Variants in CCDC38 observed in about 807,000 individuals in gnomAD.
The protein encoded by CCDC38 is coiled-coil domain-containing protein 38.
A neutral mutation model predicts 72.8 loss-of-function variants in CCDC38; 69 were observed. The observed-to-expected ratio is 0.95, with a 90% CI of 0.78 to 1.16. The LOEUF is 1.16. CCDC38 is among the 50% of genes most tolerant of loss of function. The pLI is 0.00. For synonymous variants in CCDC38, 201 were observed against 213.2 expected (o/e 0.94, Z 0.50); for missense variants, 626 against 638.9 (o/e 0.98, Z 0.22).
chr12:95,870,440 T>G lies in CCDC38; in HGVS notation c.1485-867A>C, dbSNP rs138029377. 3.3e-5 allele frequency among the ~76,000 whole-genome samples: 5 copies of G among 152,334 alleles called. No individual in the cohort carries two copies. The East Asian group carries it at 9.7e-4, about 29-fold the overall frequency. Reference sequence around the variant, plus strand: ...ATGATATTCTAAGTGTAAGGTTATATACTAGGGAATGGAAATAACATGTAC... The same window carrying G: ...ATGATATTCTAAGTGTAAGGTTATAGACTAGGGAATGGAAATAACATGTAC... On this transcript the variant is annotated intron_variant, in intron 14 of 15. Coordinates refer to ENST00000344280, the MANE Select transcript of CCDC38 (RefSeq NM_182496.3).
chr12:95,898,327 G>T, intron 7 of CCDC38, 58 bp downstream of exon 7: 1 of 1,507,816 alleles, frequency 6.6e-7, no homozygotes, highest in Non-Finnish European at 9.2e-7. Context: ...TACCTGGCAT[G>T]AATAGGTTTT....
At chr12:95,908,449 G>T (rs537749640) in intron 4 of CCDC38, among the ~76,000 whole-genome samples, 2 of 354 alleles carry the variant, frequency 5.6e-3, no homozygotes, top group Middle Eastern at 0.25. Flanking sequence ...TGGAAAGAGG[G>T]AGAGGGAGAG....
intron 4 of CCDC38, among the ~76,000 whole-genome samples, chr12:95,907,635 C>A (rs887760978): frequency 8.1e-6 from 1 of 123,294 alleles, no homozygotes; most frequent in Non-Finnish European, 1.8e-5. Context: ...ACGCTCCTCA[C>A]TTCCCAGACG....
intron 15 of CCDC38, among the ~76,000 whole-genome samples, chr12:95,868,835 C>A (rs1357130693): frequency 6.6e-6 from 1 of 152,168 alleles, no homozygotes; most frequent in African/African-American, 2.4e-5. Context: ...AAATAAAGAA[C>A]TTTGGCTTCT....
Position 95,881,490 on chromosome 12 carries a change from C to A in CCDC38, c.985G>T (p.Asp329Tyr). 6.2e-7 allele frequency: 1 copy of A among 1,606,790 alleles called. No individual in the cohort carries two copies. Among genetic ancestry groups the A allele is most frequent in the South Asian group, 1.1e-5 (1 of 89,966 alleles). Residue 329 changes from aspartate (D) to tyrosine (Y), a missense_variant, in exon 11 of 16, where the codon GAT (aspartate) becomes TAT (tyrosine). Transcript: ENST00000344280. ...EFLLDDEMDV[D>Y]LEPALYFKEP... is the part of the protein sequence containing the mutation. ...AGCAAATATAATCTGGTTACCAAAT[C>A]AACGTCCATTTCATCATCTAAAAGG...
chr12:95,872,382 G>A lies in CCDC38; in HGVS notation c.1357C>T (p.Leu453Phe), dbSNP rs1367741618. Reference protein sequence around the residue: ...VCIGDAEDDGLNPIQKLVKVE... With the variant: ...VCIGDAEDDGFNPIQKLVKVE... ...TTTACCAGCTTTTGAATTGGGTTGA[G>A]GCCGTCATCCTCAGCATCTCCAATG... The change falls in exon 14 of 16, where the codon CTC (leucine) becomes TTC (phenylalanine). Residue 453 changes from leucine (L) to phenylalanine (F), a missense_variant. Leu to Phe is a conservative substitution (Grantham distance 22). Coordinates refer to ENST00000344280, the MANE Select transcript of CCDC38 (RefSeq NM_182496.3). The A allele has an allele frequency of 6.2e-7, 1 of 1,614,006 alleles. No homozygotes were observed.
chr12:95,928,301 G>A (rs1010508876), intron 2 of CCDC38, among the ~76,000 whole-genome samples: 54 of 152,004 alleles, frequency 3.6e-4, no homozygotes, highest in Middle Eastern at 3.4e-3. Context: ...ATCTTCCATC[G>A]CTGATACCCT....
upstream of CCDC38, chr12:95,943,067 G>T: frequency 3.9e-6 from 1 of 258,506 alleles, no homozygotes; most frequent in East Asian, 9.2e-5. Flanking sequence ...GATCCACACA[G>T]CTCACTTTGA....
intron 15 of CCDC38, among the ~76,000 whole-genome samples, chr12:95,867,443 A>T (rs1194902651): frequency 6.6e-6 from 1 of 152,202 alleles, no homozygotes; most frequent in Non-Finnish European, 1.5e-5. Context: ...GGGAAAACTT[A>T]GGTAAAGTCA....
chr12:95,898,519 A>G (rs2079916089), intron 6 of CCDC38, 49 bp downstream of exon 6: 1 of 1,613,988 alleles, frequency 6.2e-7, no homozygotes, highest in Admixed American at 1.7e-5. Context: ...ACAAACAAAC[A>G]AACAAACAAA....
intron 2 of CCDC38, chr12:95,935,487 G>A: frequency 3.7e-6 from 1 of 271,570 alleles, no homozygotes. Flanking sequence ...TTGGGCCCCT[G>A]ATGTGAACCT....
At chr12:95,887,582 G>A (rs954598966) in intron 10 of CCDC38, among the ~76,000 whole-genome samples, 24 of 152,192 alleles carry the variant, frequency 1.6e-4, no homozygotes, top group African/African-American at 5.1e-4. Context: ...ACGCATTGGC[G>A]GTTGCCAGGG....
chr12:95,906,545 A>G (rs2080003579), intron 4 of CCDC38, 94 bp from the exon 5 acceptor site: 3 of 824,472 alleles, frequency 3.6e-6, no homozygotes. Context: ...ATTCTACAGT[A>G]TGTATCTGAT....
Position 95,867,182 on chromosome 12 carries a change from C to A in CCDC38, c.1586G>T (p.Arg529Ile), listed in dbSNP as rs968804907. The part of the protein sequence containing the change: ...AVAQPKKKLG[R>I]RLVFHSKPPS... ...AGGTTTTGAATGAAAGACAAGTCGTCTTCCCAACTGAAACAAAAGAAAAAC... is the reference window on the plus strand; with the variant it reads ...AGGTTTTGAATGAAAGACAAGTCGTATTCCCAACTGAAACAAAAGAAAAAC... The change falls in exon 16 of 16, where the codon AGA (arginine) becomes ATA (isoleucine). Residue 529 changes from arginine to isoleucine, a missense_variant. Transcript: ENST00000344280. The A allele has an allele frequency of 1.9e-6, 3 of 1,559,918 alleles. No individual in the cohort carries two copies. Among genetic ancestry groups the A allele is most frequent in the Non-Finnish European group, 2.6e-6 (3 of 1,136,096 alleles).
chr12:95,875,254 T>C (rs894065404), intron 13 of CCDC38, among the ~76,000 whole-genome samples: 1 of 152,172 alleles, frequency 6.6e-6, no homozygotes, highest in African/African-American at 2.4e-5. Flanking sequence ...CAGGGGCTGA[T>C]AATGGTGTAT....
intron 3 of CCDC38, among the ~76,000 whole-genome samples, chr12:95,917,501 C>T (rs1027111206): frequency 6.6e-6 from 1 of 152,058 alleles, no homozygotes; most frequent in Non-Finnish European, 1.5e-5. Flanking sequence ...TAAATATGTA[C>T]ATCACAAATA....
Position 95,879,876 on chromosome 12 carries a change from G to T in CCDC38, c.991-81C>A. 1 of 1,083,176 alleles carries T rather than the reference G, an allele frequency of 9.2e-7. No homozygotes were observed. The highest frequency in any genetic ancestry group is 1.3e-6 in the Non-Finnish European group (1 of 755,888). 67.1% of individuals were successfully genotyped at this position (1,083,176 alleles called of 1,614,324 possible). Reference sequence around the variant, plus strand: ...ATGTGACTTATCTAGAAAATACAGTGGGGTAAAGGAAGACAGTTCTAAGGA... The same window carrying T: ...ATGTGACTTATCTAGAAAATACAGTTGGGTAAAGGAAGACAGTTCTAAGGA... On this transcript the variant is annotated intron_variant, in intron 11 of 15. Transcript: ENST00000344280. This position sits in a 1 kb window ranked among gnomAD's most constrained non-coding sequence, Gnocchi z 5.5.
At chr12:95,891,158 G>C (rs2079822502) in intron 8 of CCDC38, among the ~76,000 whole-genome samples, 1 of 152,132 alleles carries the variant, frequency 6.6e-6, no homozygotes, top group Admixed American at 6.5e-5. Context: ...AGATAGTAAG[G>C]GCTGGTCCCT....
Position 95,935,335 on chromosome 12 carries a change from G to A in CCDC38, c.37+1138C>T, listed in dbSNP as rs543224476. 124 of 156,130 alleles carry A rather than the reference G, an allele frequency of 7.9e-4. 1 individual carries two copies. Among genetic ancestry groups the A allele is most frequent in the Non-Finnish European group, 1.6e-3 (110 of 69,172 alleles). The allele number at this position is 156,130 out of a possible 1,614,324, so 9.7% of individuals were successfully genotyped here. The stretch of plus-strand genomic sequence containing the variant: ...GTTTCTCAGCCTCCCTTGGAGGCAG[G>A]TCAGCGGAAGTGGTGAATGCAACTT... On this transcript the variant is annotated intron_variant, in intron 2 of 15. Coordinates refer to ENST00000344280, the MANE Select transcript of CCDC38 (RefSeq NM_182496.3).
Sources: gnomAD v4.1 joint callset for allele counts (sites outside exome capture counted in the v4.1 genomes callset) on GRCh38, gnomAD v4.1.1 for gene constraint, Gnocchi (gnomAD v3.1) non-coding constraint, MANE v1.5 for transcripts, NCBI Gene and HGNC (gene_info 2026-07-23, HGNC 2026-07-21) for gene names.